PPP2R2B: variants seen among roughly 807,000 people sequenced by gnomAD.
The protein encoded by PPP2R2B is protein phosphatase 2 regulatory subunit Bbeta.
In PPP2R2B, 5 loss-of-function variants were observed where a neutral mutation model predicts 46.0. That is an observed-to-expected ratio of 0.11 (90% CI 0.06 to 0.23). The LOEUF (loss-of-function observed/expected upper bound fraction) is 0.23, where lower values mean the gene tolerates loss of function less well. Among genes scored for constraint, PPP2R2B ranks in the 10% least tolerant of loss-of-function variants. PPP2R2B has a pLI of 1.00. For missense variants in PPP2R2B, 367 were observed against 575.0 expected (o/e 0.64, Z 3.70); for synonymous variants, 215 against 206.7 (o/e 1.04, Z -0.34).
intron 2 of PPP2R2B, among the ~76,000 whole-genome samples, chr5:147,071,707 TAA>T (rs982614591): frequency 1.3e-5 from 2 of 152,186 alleles, no homozygotes; most frequent in African/African-American, 4.8e-5. Context: ...CCATCCTATT[TAA>T]AAGAGAACAC....
chr5:146,883,661 C>T (rs561789236), upstream of PPP2R2B, among the ~76,000 whole-genome samples: 32 of 152,308 alleles, frequency 2.1e-4, 1 homozygote, highest in South Asian at 6.6e-3. Flanking sequence ...AATTGCACAA[C>T]TCTCTCTCTA....
intron 2 of PPP2R2B, among the ~76,000 whole-genome samples, chr5:146,824,058 C>T (rs547719756): frequency 2.6e-5 from 4 of 152,320 alleles, no homozygotes; most frequent in African/African-American, 9.6e-5. Flanking sequence ...ATCTTCTTCA[C>T]TTATAAGCAG....
At chr5:147,013,055 C>A (rs867265720) in intron 1 of PPP2R2B, among the ~76,000 whole-genome samples, 1 of 150,538 alleles carries the variant, frequency 6.6e-6, no homozygotes. Context: ...ACAAAATCAA[C>A]GTACAAAAAT....
chr5:146,880,087 T>C (rs1468961794), upstream of PPP2R2B, among the ~76,000 whole-genome samples: 1 of 152,222 alleles, frequency 6.6e-6, no homozygotes, highest in Non-Finnish European at 1.5e-5. Context: ...TGGATACTTC[T>C]GGTAGATAGA....
intron 1 of PPP2R2B, among the ~76,000 whole-genome samples, chr5:146,980,917 G>A (rs1753143825): frequency 1.3e-5 from 2 of 151,756 alleles, no homozygotes; most frequent in Non-Finnish European, 2.9e-5. Flanking sequence ...TCTGAAAATG[G>A]AGGAGGACCT....
At chr5:146,673,683 A>T (rs1777519055) in intron 5 of PPP2R2B, among the ~76,000 whole-genome samples, 1 of 152,204 alleles carries the variant, frequency 6.6e-6, no homozygotes, top group South Asian at 2.1e-4. Context: ...ACCTGCCATC[A>T]GCCCAGAGGC....
intron 2 of PPP2R2B, among the ~76,000 whole-genome samples, chr5:146,711,957 A>T (rs1780235780): frequency 6.6e-6 from 1 of 152,204 alleles, no homozygotes; most frequent in African/African-American, 2.4e-5. Flanking sequence ...GCATGCAATA[A>T]ATCTCTTTTA....
At chr5:147,071,164 T>C (rs888568429) in intron 2 of PPP2R2B, among the ~76,000 whole-genome samples, 1 of 152,108 alleles carries the variant, frequency 6.6e-6, no homozygotes, top group Non-Finnish European at 1.5e-5. Context: ...ATTGTAGCAG[T>C]TGTCTTGGGA....
At chr5:146,662,079 T>A (rs1469433492) in intron 5 of PPP2R2B, among the ~76,000 whole-genome samples, 2 of 152,188 alleles carry the variant, frequency 1.3e-5, no homozygotes, top group Non-Finnish European at 2.9e-5. Context: ...AGGATAAATA[T>A]CACTGAATCT....
At chr5:146,931,987 C>T (rs953222876) in intron 1 of PPP2R2B, among the ~76,000 whole-genome samples, 3 of 152,142 alleles carry the variant, frequency 2.0e-5, no homozygotes, top group Admixed American at 6.6e-5. Flanking sequence ...CATGTCTGGT[C>T]ATCAGCAATA....
intron 1 of PPP2R2B, among the ~76,000 whole-genome samples, chr5:146,954,720 A>G (rs956367561): frequency 1.3e-5 from 2 of 151,336 alleles, no homozygotes; most frequent in African/African-American, 4.8e-5. Flanking sequence ...GCACCAGTAC[A>G]TATGTGTATG....
intron 2 of PPP2R2B, chr5:147,081,051 TCTC>T: frequency 6.5e-7 from 1 of 1,534,182 alleles, no homozygotes; most frequent in Non-Finnish European, 8.7e-7. Context: ...CATGGGGATT[TCTC>T]CTACCTTCTG....
At chr5:146,771,267 C>A (rs1340186966) in intron 2 of PPP2R2B, among the ~76,000 whole-genome samples, 1 of 152,282 alleles carries the variant, frequency 6.6e-6, no homozygotes, top group East Asian at 1.9e-4. Flanking sequence ...CATCACTCAG[C>A]ACCAGCACAG....
intron 2 of PPP2R2B, among the ~76,000 whole-genome samples, chr5:146,758,932 T>A (rs921691551): frequency 1.3e-5 from 2 of 152,162 alleles, no homozygotes; most frequent in Non-Finnish European, 2.9e-5. Context: ...TGGAATTTTT[T>A]TTTTCCCAAA....
chr5:146,775,363 C>T lies in PPP2R2B; in HGVS notation c.71-74221G>A, dbSNP rs77200865. 1.0e-3 allele frequency among the ~76,000 whole-genome samples: 159 copies of T among 152,140 alleles called. 1 individual carries two copies. The highest frequency in any genetic ancestry group is 3.8e-3 in the African/African-American group (158 of 41,512). On this transcript the variant is annotated intron_variant, in intron 2 of 9. Coordinates refer to ENST00000394411, the MANE Select transcript of PPP2R2B (RefSeq NM_181675.4). ...TATGAAAATCAATGAGTGTAATATA[C>T]CACATTAATAGAATAAAGGAAAAAA... is the stretch of plus-strand genomic sequence containing the variant.
intron 7 of PPP2R2B, among the ~76,000 whole-genome samples, chr5:146,625,108 C>T (rs149374928): frequency 1.3e-5 from 2 of 152,320 alleles, no homozygotes; most frequent in East Asian, 3.9e-4. Context: ...CAGTTGATTA[C>T]CTTTACTTCA....
At chr5:147,039,359 C>T (rs887031069) in intron 1 of PPP2R2B, among the ~76,000 whole-genome samples, 1 of 152,154 alleles carries the variant, frequency 6.6e-6, no homozygotes, top group Non-Finnish European at 1.5e-5. Context: ...TGTAATTGGT[C>T]CAGAGCCTGA....
chr5:146,594,063 T>C (rs1770930056), intron 8 of PPP2R2B, among the ~76,000 whole-genome samples: 1 of 152,206 alleles, frequency 6.6e-6, no homozygotes, highest in African/African-American at 2.4e-5. Flanking sequence ...GATGACTCCC[T>C]GATCTTTCTC....
intron 5 of PPP2R2B, among the ~76,000 whole-genome samples, chr5:146,683,573 G>A (rs777662453): frequency 6.6e-6 from 1 of 152,164 alleles, no homozygotes; most frequent in Non-Finnish European, 1.5e-5. Context: ...ATAAATGTTA[G>A]CTTCTCTTTT....
Sources: gnomAD v4.1 joint callset for allele counts (sites outside exome capture counted in the v4.1 genomes callset) on GRCh38, gnomAD v4.1.1 for gene constraint, MANE v1.5 for transcripts, NCBI Gene and HGNC (gene_info 2026-07-23, HGNC 2026-07-21) for gene names.